Variants in HEATR5A observed in about 807,000 individuals in gnomAD.
The protein encoded by HEATR5A is HEAT repeat containing 5A.
In HEATR5A, 178 loss-of-function variants were observed where a neutral mutation model predicts 218.8. The ratio of observed to expected loss-of-function variants is 0.81; its 90% CI spans 0.72 to 0.92. The LOEUF is 0.92. Among genes scored for constraint, HEATR5A ranks in the 40% least tolerant of loss-of-function variants. The pLI, the probability that HEATR5A is intolerant of heterozygous loss-of-function variation, is 0.00. For missense variants in HEATR5A, 2,420 were observed against 2,418.9 expected (o/e 1.00, Z -0.01); for synonymous variants, 864 against 871.6 (o/e 0.99, Z 0.15).
chr14:31,349,112 A>AG (rs1473670463), intron 18 of HEATR5A, among the ~76,000 whole-genome samples: 1 of 152,214 alleles, frequency 6.6e-6, no homozygotes, highest in Non-Finnish European at 1.5e-5. Context: ...AGTACAGGCC[A>AG]GGAGCAGTGG....
At chr14:31,364,048 G>A in intron 14 of HEATR5A, 141 bp downstream of exon 14, 2 of 513,850 alleles carry the variant, frequency 3.9e-6, no homozygotes, top group Non-Finnish European at 7.0e-6. Context: ...GATTAGGACT[G>A]AACTCCCTAA....
intron 3 of HEATR5A, among the ~76,000 whole-genome samples, chr14:31,400,074 T>G (rs2030814237): frequency 6.6e-6 from 1 of 152,196 alleles, no homozygotes; most frequent in African/African-American, 2.4e-5. Flanking sequence ...TAGGAAGATG[T>G]TTTGAATCTC....
chr14:31,325,688 T>A (rs982496019), intron 23 of HEATR5A, among the ~76,000 whole-genome samples: 25 of 150,810 alleles, frequency 1.7e-4, no homozygotes, highest in Non-Finnish European at 3.1e-4. Context: ...AAAAAAAAAA[T>A]TTTTTTTTGT....
intron 1 of HEATR5A, among the ~76,000 whole-genome samples, chr14:31,419,270 C>T (rs1196220226): frequency 6.6e-6 from 1 of 151,668 alleles, no homozygotes; most frequent in African/African-American, 2.4e-5. Context: ...ATCCTGCCTG[C>T]TTATCAGTGA....
intron 13 of HEATR5A, among the ~76,000 whole-genome samples, chr14:31,370,435 G>A (rs1324927012): frequency 6.6e-6 from 1 of 152,178 alleles, no homozygotes; most frequent in Non-Finnish European, 1.5e-5. Context: ...CCTATTGGAT[G>A]GGGTAGAATT....
intron 1 of HEATR5A, among the ~76,000 whole-genome samples, chr14:31,416,958 CT>C (rs1177638941): frequency 6.6e-6 from 1 of 152,078 alleles, no homozygotes; most frequent in Non-Finnish European, 1.5e-5. Flanking sequence ...AAAATATTAG[CT>C]GGGCATGGTG....
chr14:31,295,994 G>C lies in HEATR5A; in HGVS notation c.5534C>G (p.Thr1845Ser). The change falls in exon 34 of 36, where the codon ACC (threonine) becomes AGC (serine). Residue 1845 changes from threonine (T) to serine (S), a missense_variant. Physicochemically the swap from Thr to Ser is moderately conservative, Grantham distance 58. Coordinates refer to ENST00000543095, the MANE Select transcript of HEATR5A (RefSeq NM_015473.4). ...TGGGATGGTAGTTACTTCTGGACTG[G>C]TAGACAAAATAAACACTGTGATAGC... The part of the protein sequence containing the change: ...LTAITVFILS[T>S]SPEVTTIPCL... 6.2e-7 allele frequency: 1 copy of C among 1,613,066 alleles called. No individual in the cohort carries two copies. Among genetic ancestry groups the C allele is most frequent in the Admixed American group, 1.7e-5 (1 of 59,998 alleles).
Position 31,307,999 on chromosome 14 carries a change from C to G in HEATR5A, c.4712G>C (p.Cys1571Ser). The G allele has an allele frequency of 6.2e-7, 1 of 1,610,882 alleles. No homozygotes were observed. The highest frequency in any genetic ancestry group is 8.5e-7 in the Non-Finnish European group (1 of 1,178,934). The change falls in exon 30 of 36, where the codon TGT (cysteine) becomes TCT (serine). Residue 1571 changes from cysteine to serine, a missense_variant. Transcript: ENST00000543095. ...LILGISVEFL[C>S]SLRSDATMES... The stretch of plus-strand genomic sequence containing the variant: ...CATGGTTGCATCTGAACGTAAGGAA[C>G]ATAGAAATTCCACGCTGATTCCTGT...
At chr14:31,364,465 A>C (rs1482431055) in intron 13 of HEATR5A, among the ~76,000 whole-genome samples, 167 bp from the exon 14 acceptor site, 6 of 152,178 alleles carry the variant, frequency 3.9e-5, no homozygotes, top group African/African-American at 1.4e-4. Flanking sequence ...TGTAGCCCAG[A>C]CCGGGATGCA....
Position 31,312,962 on chromosome 14 carries a change from C to T in HEATR5A, c.4441+6G>A, listed in dbSNP as rs758059582. ...TAGGAATTATCTAAGTATTTTATCT[C>T]CTTACCTTCAGCAGGAAGTTGGGAG... On this transcript the variant is annotated splice_donor_region_variant and intron_variant, in intron 28 of 35. Coordinates refer to ENST00000543095, the MANE Select transcript of HEATR5A (RefSeq NM_015473.4). 1 of 1,595,048 alleles carries T rather than the reference C, an allele frequency of 6.3e-7. No individual in the cohort carries two copies. The highest frequency in any genetic ancestry group is 1.1e-5 in the South Asian group (1 of 90,624).
At chr14:31,392,675 T>C (rs1175573738) in intron 6 of HEATR5A, among the ~76,000 whole-genome samples, 1 of 152,194 alleles carries the variant, frequency 6.6e-6, no homozygotes, top group Non-Finnish European at 1.5e-5. Context: ...TTTCGATGTC[T>C]AGTTAATGTT....
chr14:31,320,126 A>G, intron 25 of HEATR5A: 1 of 245,892 alleles, frequency 4.1e-6, no homozygotes, highest in Non-Finnish European at 8.0e-6. Flanking sequence ...ATTTATTTAG[A>G]GAAACGTTGT....
intron 28 of HEATR5A, among the ~76,000 whole-genome samples, chr14:31,311,405 T>C (rs1401065445): frequency 6.6e-6 from 1 of 152,080 alleles, no homozygotes; most frequent in African/African-American, 2.4e-5. Context: ...GACTGACTGA[T>C]TACATTCTTT....
In HEATR5A at chr14:31,345,220, A is replaced by T; in HGVS notation, c.2925T>A (p.Tyr975Ter). 6.2e-7 allele frequency: 1 copy of T among 1,613,680 alleles called. No homozygotes were observed. The highest frequency in any genetic ancestry group is 8.5e-7 in the Non-Finnish European group (1 of 1,179,662). ...LIIDSAGPLY[Y>*]VHVEPTLSLI... ...GAGAAAGGGTAGGTTCCACATGCACATAATAGAGTGGGCCAGCAGAATCAA... is the reference window on the plus strand; with the variant it reads ...GAGAAAGGGTAGGTTCCACATGCACTTAATAGAGTGGGCCAGCAGAATCAA... Residue 975 changes from tyrosine (Y) to a stop codon, truncating the protein, a stop_gained, in exon 20 of 36, where the codon TAT becomes TAA. Coordinates refer to ENST00000543095, the MANE Select transcript of HEATR5A (RefSeq NM_015473.4). LOFTEE classifies it high-confidence loss of function.
At chr14:31,320,364 C>T in intron 25 of HEATR5A, 1 of 910,354 alleles carries the variant, frequency 1.1e-6, no homozygotes. Flanking sequence ...ATCAAGCTGC[C>T]AAACACCGCT....
At chr14:31,336,881 T>C (rs1835839614) in intron 22 of HEATR5A, among the ~76,000 whole-genome samples, 1 of 152,160 alleles carries the variant, frequency 6.6e-6, no homozygotes, top group Non-Finnish European at 1.5e-5. Flanking sequence ...CATGTGAACA[T>C]CATAGAGTGT....
chr14:31,316,425 G>A (rs1899914570), intron 26 of HEATR5A, among the ~76,000 whole-genome samples: 1 of 152,158 alleles, frequency 6.6e-6, no homozygotes, highest in Admixed American at 6.6e-5. Context: ...AAATCCTATG[G>A]AAGGAGACTG....
chr14:31,324,988 C>T (rs1361640871), intron 23 of HEATR5A, among the ~76,000 whole-genome samples: 1 of 152,194 alleles, frequency 6.6e-6, no homozygotes, highest in African/African-American at 2.4e-5. Flanking sequence ...ATGAGAGCTA[C>T]ATTAAATTCT....
chr14:31,335,446 G>A lies in HEATR5A; in HGVS notation c.3367+2030C>T, dbSNP rs79991756. Among the ~76,000 whole-genome samples, 10 of 151,880 alleles carry A rather than the reference G, an allele frequency of 6.6e-5. No homozygotes were observed. The East Asian group carries it at 1.9e-3, about 29-fold the overall frequency. The stretch of plus-strand genomic sequence containing the variant: ...GTGATCTTCTCACCTCAGCCTCTAA[G>A]GAAGCTGGGACTACAAGTACATGCC... On this transcript the variant is annotated intron_variant, in intron 22 of 35. Coordinates refer to ENST00000543095, the MANE Select transcript of HEATR5A (RefSeq NM_015473.4).
Sources: gnomAD v4.1 joint callset for allele counts (sites outside exome capture counted in the v4.1 genomes callset) on GRCh38, gnomAD v4.1.1 for gene constraint, MANE v1.5 for transcripts, NCBI Gene and HGNC (gene_info 2026-07-23, HGNC 2026-07-21) for gene names.